The following CATSPERE variants were observed in gnomAD, a reference collection of about 807,000 sequenced individuals.
CATSPERE encodes cation channel sperm-associated auxiliary subunit epsilon.
A neutral mutation model predicts 114.1 loss-of-function variants in CATSPERE; 93 were observed. That is an observed-to-expected ratio of 0.81 (90% CI 0.69 to 0.97). The LOEUF is 0.97. Ranked by LOEUF, CATSPERE falls within the 50% of genes least tolerant of loss-of-function variation. CATSPERE has a pLI of 0.00. For synonymous variants in CATSPERE, 341 were observed against 384.1 expected, an observed-to-expected ratio of 0.89 and a Z score of 1.31; for missense variants, 1,058 against 1,131.6, an observed-to-expected ratio of 0.93 and a Z score of 0.93.
chr1:244,640,097 GT>G lies in CATSPERE; in HGVS notation c.*19del. Reference sequence around the variant, plus strand: ...GAAGAATTAGGAAAACTGAAAGTTTGTTTATTACAGATATATGCATATAGAG... The same window carrying G: ...GAAGAATTAGGAAAACTGAAAGTTTGTTATTACAGATATATGCATATAGAG... On this transcript the variant is annotated 3_prime_UTR_variant, in exon 22 of 22. Transcript: ENST00000366534. 1.3e-6 allele frequency: 2 copies of G among 1,530,280 alleles called. No individual in the cohort carries two copies. Among genetic ancestry groups the G allele is most frequent in the Non-Finnish European group, 8.9e-7 (1 of 1,129,490 alleles). The allele number at this position is 1,530,280 out of a possible 1,614,324, so 94.8% of individuals were successfully genotyped here.
intron 4 of CATSPERE, 109 bp downstream of exon 4, chr1:244,478,084 T>A: frequency 1.3e-6 from 1 of 749,336 alleles, no homozygotes; most frequent in Non-Finnish European, 2.2e-6. Context: ...TAACCTGTTT[T>A]AAATAGTATT....
At chr1:244,463,514 C>T (rs1667130011) in intron 1 of CATSPERE, among the ~76,000 whole-genome samples, 1 of 151,586 alleles carries the variant, frequency 6.6e-6, no homozygotes. Flanking sequence ...TACTCCAGAG[C>T]AAGACCCTGT....
chr1:244,578,336 A>G (rs765668117), intron 11 of CATSPERE, among the ~76,000 whole-genome samples: 2 of 152,038 alleles, frequency 1.3e-5, no homozygotes, highest in Non-Finnish European at 2.9e-5. Flanking sequence ...TATTTTCAGT[A>G]GAGACAGGGT....
chr1:244,467,236 G>T (rs969380148), intron 2 of CATSPERE, among the ~76,000 whole-genome samples: 2 of 152,084 alleles, frequency 1.3e-5, no homozygotes, highest in East Asian at 1.9e-4. Flanking sequence ...AGATGGTTTT[G>T]TGTGGGAATT....
upstream of CATSPERE, among the ~76,000 whole-genome samples, chr1:244,457,091 G>A (rs1363904973): frequency 6.6e-6 from 1 of 152,192 alleles, no homozygotes; most frequent in Admixed American, 6.5e-5. Flanking sequence ...GGTTTGTAAA[G>A]GGTGAATCTA....
At chr1:244,456,550 A>G (rs1666182375), upstream of CATSPERE, among the ~76,000 whole-genome samples, 1 of 152,360 alleles carries the variant, frequency 6.6e-6, no homozygotes, top group Non-Finnish European at 1.5e-5. Context: ...TTTTGGAAAT[A>G]AAGACAGTTT....
chr1:244,498,855 A>G (rs1300055440), intron 6 of CATSPERE, 147 bp from the exon 7 acceptor site: 14 of 459,560 alleles, frequency 3.0e-5, no homozygotes, highest in Non-Finnish European at 8.0e-6. Flanking sequence ...CTGAGATTGC[A>G]CCCCTGCACT....
chr1:244,453,311 C>G (rs1437825328), upstream of CATSPERE, among the ~76,000 whole-genome samples: 2 of 152,198 alleles, frequency 1.3e-5, no homozygotes, highest in African/African-American at 4.8e-5. Context: ...ACTGAATAAG[C>G]ACACCTTACT....
chr1:244,584,819 G>A (rs1032299411), intron 13 of CATSPERE, among the ~76,000 whole-genome samples: 5 of 152,114 alleles, frequency 3.3e-5, no homozygotes, highest in Non-Finnish European at 5.9e-5. Context: ...TGAGGCAGAC[G>A]TGATCCATCC....
chr1:244,595,765 AC>A (rs1448702202), intron 17 of CATSPERE, among the ~76,000 whole-genome samples: 1 of 152,148 alleles, frequency 6.6e-6, no homozygotes, highest in Non-Finnish European at 1.5e-5. Flanking sequence ...CCCTGTCTCT[AC>A]TAAAAATACA....
At chr1:244,623,682 C>T (rs529363296) in intron 20 of CATSPERE, among the ~76,000 whole-genome samples, 32 of 152,268 alleles carry the variant, frequency 2.1e-4, no homozygotes, top group Non-Finnish European at 3.8e-4. Context: ...TAGTTCCAGA[C>T]CCCTGCCGTA....
chr1:244,465,129 G>A (rs897200004), intron 2 of CATSPERE, among the ~76,000 whole-genome samples: 10 of 151,300 alleles, frequency 6.6e-5, no homozygotes, highest in African/African-American at 1.5e-4. Context: ...TCTGCCTCCC[G>A]GGTTCAAGCG....
chr1:244,635,499 C>T lies in CATSPERE; in HGVS notation c.2659C>T (p.Leu887=). ...TTTTCTGCTTTGCAGTTTCTGTAAC[C>T]TAACAGCTATGTTTGCAATAGAGAC... ...ILDPNYSFCN[L]TAMFAIETFG... The change falls in exon 21 of 22, where the codon CTA becomes TTA. Residue 887 remains leucine, a synonymous_variant. Transcript: ENST00000366534. 6.2e-7 allele frequency: 1 copy of T among 1,612,022 alleles called. No homozygotes were observed. Among genetic ancestry groups the T allele is most frequent in the Non-Finnish European group, 8.5e-7 (1 of 1,178,358 alleles).
At chr1:244,612,594 G>T (rs1445027348) in intron 19 of CATSPERE, among the ~76,000 whole-genome samples, 1 of 152,176 alleles carries the variant, frequency 6.6e-6, no homozygotes, top group Non-Finnish European at 1.5e-5. Flanking sequence ...TCTCGATGTG[G>T]CTGAAAATAC....
intron 2 of CATSPERE, among the ~76,000 whole-genome samples, chr1:244,468,657 G>A (rs925816873): frequency 6.6e-5 from 10 of 152,094 alleles, no homozygotes; most frequent in African/African-American, 2.4e-4. Flanking sequence ...TGTGGCTTAT[G>A]CCTGTAATCC....
chr1:244,578,903 G>T (rs10754832), intron 11 of CATSPERE, among the ~76,000 whole-genome samples: 25,462 of 133,466 alleles, frequency 0.19, 3,276 homozygotes, highest in East Asian at 0.42. Context: ...CTCTTTTTTT[G>T]TTTTGTTCTG....
At chr1:244,598,530 T>C (rs553474189) in intron 17 of CATSPERE, 43 of 209,446 alleles carry the variant, frequency 2.1e-4, no homozygotes, top group Non-Finnish European at 3.4e-4. Flanking sequence ...TTTGTTCTTC[T>C]TGGTGTCTGT....
In CATSPERE at chr1:244,461,301, C is replaced by T. The variant is rs759685328; in HGVS notation, c.-129C>T. On this transcript the variant is annotated 5_prime_UTR_variant, in exon 1 of 22. Coordinates refer to ENST00000366534, the MANE Select transcript of CATSPERE (RefSeq NM_001130957.2). ...CTTCTCCCTCGCTGGTCTTCAGGCCCGGCCCGCCCTGTCCAGAGGCGCCGG... is the reference window on the plus strand; with the variant it reads ...CTTCTCCCTCGCTGGTCTTCAGGCCTGGCCCGCCCTGTCCAGAGGCGCCGG... 8 of 758,382 alleles carry T rather than the reference C, an allele frequency of 1.1e-5. No homozygotes were observed. The highest frequency in any genetic ancestry group is 3.4e-5 in the East Asian group (1 of 29,532). 47.0% of individuals were successfully genotyped at this position (758,382 alleles called of 1,614,324 possible).
At chr1:244,510,284 C>T (rs977811298) in intron 7 of CATSPERE, among the ~76,000 whole-genome samples, 10 of 152,084 alleles carry the variant, frequency 6.6e-5, no homozygotes, top group Non-Finnish European at 1.0e-4. Context: ...TCTTCATTTG[C>T]GTCAAGGAAT....
Sources: allele counts gnomAD v4.1 joint callset (sites outside exome capture counted in the v4.1 genomes callset), GRCh38; gene constraint gnomAD v4.1.1; transcripts MANE v1.5; gene names NCBI Gene and HGNC (gene_info 2026-07-23, HGNC 2026-07-21).